GSG1L: variants seen among roughly 807,000 people sequenced by gnomAD.
The protein encoded by GSG1L is germ cell-specific gene 1-like protein.
Under a neutral mutation model 42.1 loss-of-function variants are expected in GSG1L, and 24 were observed. That is an observed-to-expected ratio of 0.57 (90% confidence interval 0.41 to 0.80). GSG1L has a LOEUF of 0.80. Among genes scored for constraint, GSG1L ranks in the 30% least tolerant of loss-of-function variants. The pLI is 0.00. For missense variants in GSG1L, 445 were observed against 472.2 expected, an observed-to-expected ratio of 0.94 and a Z score of 0.53; for synonymous variants, 215 against 203.5, an observed-to-expected ratio of 1.06 and a Z score of -0.48.
chr16:28,043,459 C>T (rs938834062), intron 1 of GSG1L, among the ~76,000 whole-genome samples: 1 of 152,150 alleles, frequency 6.6e-6, no homozygotes, highest in Non-Finnish European at 1.5e-5. Flanking sequence ...TCAAAAGGAA[C>T]ATTAAAATTA....
Position 28,002,740 on chromosome 16 carries a change from C to A in GSG1L, c.350-39537G>T, listed in dbSNP as rs141150859. ...GGTCAGGAGATCAAGACCATCCTGG[C>A]TAACACGGTGAAACCCCGTCTCTAC... On this transcript the variant is annotated intron_variant, in intron 1 of 6. Coordinates refer to ENST00000447459, the MANE Select transcript of GSG1L (RefSeq NM_001109763.2). 2.2e-3 allele frequency among the ~76,000 whole-genome samples: 329 copies of A among 151,184 alleles called. 11 individuals are homozygous for A. In the East Asian group the frequency reaches 0.054, roughly 25 times the overall value.
chr16:28,009,744 C>T (rs913580474), intron 1 of GSG1L, among the ~76,000 whole-genome samples: 2 of 152,212 alleles, frequency 1.3e-5, no homozygotes, highest in Admixed American at 1.3e-4. Flanking sequence ...CGGAGTCCCA[C>T]AGTGGGTGAC....
At chr16:27,925,967 GA>G (rs916428693) in intron 2 of GSG1L, among the ~76,000 whole-genome samples, 57 of 152,302 alleles carry the variant, frequency 3.7e-4, no homozygotes, top group African/African-American at 1.2e-3. Context: ...GGAAAAGGGG[GA>G]AAAAATTAGC....
intron 2 of GSG1L, among the ~76,000 whole-genome samples, chr16:27,896,636 C>G (rs2084195098): frequency 6.6e-6 from 1 of 152,138 alleles, no homozygotes. Flanking sequence ...GGAGATTATC[C>G]TGATATCTGG....
chr16:27,884,542 T>G lies in GSG1L; in HGVS notation c.494A>C (p.Asn165Thr), dbSNP rs762448368. Residue 165 changes from asparagine to threonine, a missense_variant, in exon 3 of 7, where the codon AAT becomes ACT. Asn to Thr is a moderately conservative substitution (Grantham distance 65). Around this residue, in one of 3 missense-constraint regions of GSG1L, gnomAD observed 149 missense variants for 223.3 expected, o/e 0.67. Transcript: ENST00000447459. This position sits in a 1 kb window ranked among gnomAD's most constrained non-coding sequence, Gnocchi z 4.4. ...ATTGAGCTTGAGCCCGTCGATGACA[T>G]TGCTGGAGTGGAAGAGCTCGAGACA... Reference protein sequence around the residue: ...LMCLELFHSSNVIDGLKLNAF... With the variant: ...LMCLELFHSSTVIDGLKLNAF... 6.2e-7 allele frequency: 1 copy of G among 1,613,784 alleles called. No individual in the cohort carries two copies. The highest frequency in any genetic ancestry group is 8.5e-7 in the Non-Finnish European group (1 of 1,179,936).
Position 27,795,358 on chromosome 16 carries a change from G to A in GSG1L, c.899-3891C>T, listed in dbSNP as rs1050907611. On this transcript the variant is annotated intron_variant, in intron 6 of 6. Transcript: ENST00000447459. ...GTGATGGCAGGGGGCTGGGGAGACC[G>A]TACTTCGGTCTAACAGCCAAAGGTT... Among the ~76,000 whole-genome samples, 4 of 152,188 alleles carry A rather than the reference G, an allele frequency of 2.6e-5. No homozygotes were observed. The South Asian group carries it at 6.2e-4, about 24-fold the overall frequency.
rs2086369058 is a variant in GSG1L at position 28,063,393 on chromosome 16, A to T, written c.32T>A (p.Leu11Gln). MKTSRRGRAL[L>Q]AVALNLLALL... ...CGCCAGCAGGTTCAGGGCCACGGCC[A>T]GGAGCGCTCGGCCGCGGCGGCTAGT... The change falls in exon 1 of 7, where the codon CTG becomes CAG. Residue 11 changes from leucine to glutamine, a missense_variant. By Grantham distance (113) the Leu-to-Gln change is moderately radical. Transcript: ENST00000447459. This position sits in a 1 kb window ranked among gnomAD's most constrained non-coding sequence, Gnocchi z 5.8. The T allele has an allele frequency of 5.2e-6, 7 of 1,350,968 alleles. No individual in the cohort carries two copies. The highest frequency in any genetic ancestry group is 6.7e-6 in the Non-Finnish European group (7 of 1,042,202). The allele number at this position is 1,350,968 out of a possible 1,614,324, so 83.7% of individuals were successfully genotyped here.
intron 2 of GSG1L, among the ~76,000 whole-genome samples, chr16:27,885,972 T>C (rs1448302700): frequency 6.6e-6 from 1 of 152,240 alleles, no homozygotes; most frequent in Admixed American, 6.5e-5. Context: ...GATTCCTGCA[T>C]GCTTTTTGCC....
At chr16:27,945,998 G>A (rs1361505831) in intron 2 of GSG1L, among the ~76,000 whole-genome samples, 1 of 152,246 alleles carries the variant, frequency 6.6e-6, no homozygotes, top group Non-Finnish European at 1.5e-5. Flanking sequence ...GAGCCAAGGG[G>A]CCTCCCCGCC....
rs1250642993 is a variant in GSG1L, at chr16:27,843,501, C to G, written c.662+1449G>C. On this transcript the variant is annotated intron_variant, in intron 4 of 6. Coordinates refer to ENST00000447459, the MANE Select transcript of GSG1L (RefSeq NM_001109763.2). Reference sequence around the variant, plus strand: ...CAGCCTGGGTGACAGAGCAGAGACTCTGTAAAAAAAAAAAAAAAAAAAAAA... The same window carrying G: ...CAGCCTGGGTGACAGAGCAGAGACTGTGTAAAAAAAAAAAAAAAAAAAAAA... Among the ~76,000 whole-genome samples, 9 of 113,346 alleles carry G rather than the reference C, an allele frequency of 7.9e-5. No homozygotes were observed. The Admixed American group carries it at 9.7e-4, about 12-fold the overall frequency. 74.4% of individuals were successfully genotyped at this position (113,346 alleles called of 152,430 possible). A position where few individuals can be genotyped will look rare whatever the true frequency, so the allele number is the denominator to read the frequency against.
At chr16:27,955,962 G>A (rs2085000349) in intron 2 of GSG1L, among the ~76,000 whole-genome samples, 1 of 146,692 alleles carries the variant, frequency 6.8e-6, no homozygotes. Flanking sequence ...GGAAGGACAG[G>A]AGGGAGGGAG....
In GSG1L at chr16:28,058,638, AAAC is replaced by A. The variant is rs869230458; in HGVS notation, c.349+4435_349+4437del. 2.7e-4 allele frequency among the ~76,000 whole-genome samples: 13 copies of A among 48,520 alleles called. 3 individuals carry two copies. The highest frequency in any genetic ancestry group is 2.8e-4 in the Non-Finnish European group (6 of 21,172). 31.8% of individuals were successfully genotyped at this position (48,520 alleles called of 152,430 possible). ...ACAAGACCAAAAAAAAAAAAAAAAC[AAAC>A]AAACCATGTCGAGGAGTTAGAGCAA... On this transcript the variant is annotated intron_variant, in intron 1 of 6. Coordinates refer to ENST00000447459, the MANE Select transcript of GSG1L (RefSeq NM_001109763.2).
intron 6 of GSG1L, among the ~76,000 whole-genome samples, chr16:27,792,806 G>A (rs1488631110): frequency 6.6e-6 from 1 of 152,184 alleles, no homozygotes; most frequent in African/African-American, 2.4e-5. Flanking sequence ...GTGGTGGAGT[G>A]GGGCTGGGAG....
chr16:27,977,333 C>A (rs1432279685), intron 1 of GSG1L, among the ~76,000 whole-genome samples: 1 of 152,120 alleles, frequency 6.6e-6, no homozygotes, highest in African/African-American at 2.4e-5. Context: ...GTAATCCCAG[C>A]ACTTTGGGAG....
intron 3 of GSG1L, among the ~76,000 whole-genome samples, chr16:27,873,343 A>G (rs1596574407): frequency 6.6e-6 from 1 of 152,158 alleles, no homozygotes; most frequent in Admixed American, 6.5e-5. Flanking sequence ...CAGCCTGCAT[A>G]TGTGTTTTAC....
At chr16:27,840,178 C>T (rs1487529466) in intron 4 of GSG1L, among the ~76,000 whole-genome samples, 1 of 152,096 alleles carries the variant, frequency 6.6e-6, no homozygotes, top group Non-Finnish European at 1.5e-5. Context: ...TACAGGTGTG[C>T]ACCACCACAG....
At chr16:27,848,790 G>T (rs564569292) in intron 3 of GSG1L, among the ~76,000 whole-genome samples, 1 of 152,122 alleles carries the variant, frequency 6.6e-6, no homozygotes, top group Admixed American at 6.5e-5. Context: ...TTGGAATGAG[G>T]AGCTGAGGGC....
intron 1 of GSG1L, among the ~76,000 whole-genome samples, chr16:28,031,445 A>C (rs902267860): frequency 1.1e-4 from 16 of 151,730 alleles, no homozygotes; most frequent in African/African-American, 3.9e-4. Flanking sequence ...GGATGATGGG[A>C]TGGGATGGGA....
At chr16:28,032,395 T>C (rs1275838052) in intron 1 of GSG1L, among the ~76,000 whole-genome samples, 1 of 152,178 alleles carries the variant, frequency 6.6e-6, no homozygotes, top group Non-Finnish European at 1.5e-5. Flanking sequence ...AATGACAACA[T>C]GCAGAGCTGG....
Sources: gnomAD v4.1 joint callset for allele counts (sites outside exome capture counted in the v4.1 genomes callset) on GRCh38, gnomAD v4.1.1 for gene constraint, gnomAD v4.1.1 regional missense constraint, Gnocchi (gnomAD v3.1) non-coding constraint, MANE v1.5 for transcripts, NCBI Gene and HGNC (gene_info 2026-07-23, HGNC 2026-07-21) for gene names.